Variants in HGSNAT observed in about 807,000 individuals in gnomAD.
The protein encoded by HGSNAT is heparan-alpha-glucosaminide N-acetyltransferase, also known as transmembrane protein 76.
A neutral mutation model predicts 85.2 loss-of-function variants in HGSNAT; 59 were observed. The ratio of observed to expected loss-of-function variants is 0.69; its 90% CI spans 0.56 to 0.86. The LOEUF is 0.86. Among genes scored for constraint, HGSNAT ranks in the 40% least tolerant of loss-of-function variants. The pLI is 0.00. For synonymous variants in HGSNAT, 321 were observed against 304.5 expected, an observed-to-expected ratio of 1.05 and a Z score of -0.56; for missense variants, 756 against 777.1, an observed-to-expected ratio of 0.97 and a Z score of 0.32.
intron 4 of HGSNAT, 139 bp downstream of exon 4, chr8:43,159,183 T>TC: frequency 1.5e-6 from 1 of 669,638 alleles, no homozygotes; most frequent in Non-Finnish European, 2.4e-6. Context: ...TGAGCACCAC[T>TC]CCCCCCAAAA....
intron 5 of HGSNAT, among the ~76,000 whole-genome samples, chr8:43,168,515 G>A (rs2130740229): frequency 6.8e-6 from 1 of 146,336 alleles, no homozygotes; most frequent in East Asian, 2.1e-4. Context: ...TCCTGCCTCA[G>A]CCTCCTGAGT....
intron 11 of HGSNAT, among the ~76,000 whole-genome samples, chr8:43,189,645 C>A (rs763086732): frequency 1.3e-5 from 2 of 152,224 alleles, no homozygotes; most frequent in East Asian, 1.9e-4. Flanking sequence ...GTGAGATGAA[C>A]CCGGTACCTC....
In HGSNAT at chr8:43,199,631, G is replaced by A; in HGVS notation, c.*62G>A. The stretch of plus-strand genomic sequence containing the variant: ...TAGGCCTGCAGGGAGGACTGAAGCA[G>A]CCTTTGTTAAAGGGAAGCATTCATT... On this transcript the variant is annotated 3_prime_UTR_variant, in exon 18 of 18. Transcript: ENST00000379644. 7 of 1,299,960 alleles carry A rather than the reference G, an allele frequency of 5.4e-6. No individual in the cohort carries two copies. In the Admixed American group the frequency reaches 1.6e-4, roughly 30 times the overall value. The allele number at this position is 1,299,960 out of a possible 1,614,324, so 80.5% of individuals were successfully genotyped here. A position where few individuals can be genotyped will look rare whatever the true frequency, so the allele number is the denominator to read the frequency against.
rs1804772048 is a variant in HGSNAT, at chr8:43,197,720, A to C, written c.1591A>C (p.Ile531Leu). 1.2e-6 allele frequency: 2 copies of C among 1,613,286 alleles called. No individual in the cohort carries two copies. The highest frequency in any genetic ancestry group is 2.7e-5 in the African/African-American group (2 of 74,916). The change falls in exon 16 of 18, where the codon ATT becomes CTT. Residue 531 changes from isoleucine (I) to leucine (L), a missense_variant. By Grantham distance (5) the Ile-to-Leu change is conservative. Coordinates refer to ENST00000379644, the MANE Select transcript of HGSNAT (RefSeq NM_152419.3). ...GAAGGTTTCTGAAAATGAAGGCTTT[A>C]TTCCAGTAAACAAAAATCTCTGGTA... is the stretch of plus-strand genomic sequence containing the variant. ...LTKVSENEGF[I>L]PVNKNLWSLS...
rs1352806015 is a variant in HGSNAT, at chr8:43,192,294, A to G, written c.1251-10A>G. ...GTCTTGTCATTTACATATGCTTTTC[A>G]CCTTCCTAGTGGTTATCTTGGTCCT... is the stretch of plus-strand genomic sequence containing the variant. On this transcript the variant is annotated splice_polypyrimidine_tract_variant and intron_variant, in intron 12 of 17. Coordinates refer to ENST00000379644, the MANE Select transcript of HGSNAT (RefSeq NM_152419.3). The G allele has an allele frequency of 6.2e-7, 1 of 1,601,506 alleles. No individual in the cohort carries two copies. The highest frequency in any genetic ancestry group is 1.1e-5 in the South Asian group (1 of 89,036).
At chr8:43,150,896 G>C (rs1374515190) in intron 2 of HGSNAT, among the ~76,000 whole-genome samples, 1 of 151,270 alleles carries the variant, frequency 6.6e-6, no homozygotes, top group Non-Finnish European at 1.5e-5. Context: ...AAAGAGAAGA[G>C]CTATATATAT....
rs772070108 is a variant in HGSNAT at position 43,178,258 on chromosome 8, T to C, written c.1012+24T>C. The C allele has an allele frequency of 7.5e-6, 11 of 1,457,078 alleles. No individual in the cohort carries two copies. The East Asian group carries it at 1.9e-4, about 25-fold the overall frequency. The allele number at this position is 1,457,078 out of a possible 1,614,324, so 90.3% of individuals were successfully genotyped here. On this transcript the variant is annotated intron_variant, in intron 10 of 17. Coordinates refer to ENST00000379644, the MANE Select transcript of HGSNAT (RefSeq NM_152419.3). Reference sequence around the variant, plus strand: ...ATGTAAGTACTTTTTCCCTCTGTTATATATATTCAGGTTGAAATATGGAAA... The same window carrying C: ...ATGTAAGTACTTTTTCCCTCTGTTACATATATTCAGGTTGAAATATGGAAA...
intron 1 of HGSNAT, among the ~76,000 whole-genome samples, chr8:43,141,720 G>A (rs1563351037): frequency 1.3e-5 from 2 of 152,022 alleles, no homozygotes; most frequent in African/African-American, 4.8e-5. Flanking sequence ...TTGGAAAAGC[G>A]GCTCAGAGGA....
chr8:43,182,134 G>T lies in HGSNAT; in HGVS notation c.1013-11G>T. 6.2e-7 allele frequency: 1 copy of T among 1,606,770 alleles called. No homozygotes were observed. Among genetic ancestry groups the T allele is most frequent in the East Asian group, 2.2e-5 (1 of 44,842 alleles). ...CTGGCTAACACTTGACCTAACTTGTGTCTTTTGCAGTGTCTTGGGACAAGG... is the reference window on the plus strand; with the variant it reads ...CTGGCTAACACTTGACCTAACTTGTTTCTTTTGCAGTGTCTTGGGACAAGG... On this transcript the variant is annotated splice_polypyrimidine_tract_variant and intron_variant, in intron 10 of 17. Coordinates refer to ENST00000379644, the MANE Select transcript of HGSNAT (RefSeq NM_152419.3).
intron 4 of HGSNAT, 120 bp downstream of exon 4, chr8:43,159,164 G>T: frequency 1.1e-6 from 1 of 911,904 alleles, no homozygotes; most frequent in Non-Finnish European, 1.6e-6. Flanking sequence ...CTAAATCTTA[G>T]GTCATTGATG....
At chr8:43,196,623 C>T in intron 14 of HGSNAT, 1 of 942,708 alleles carries the variant, frequency 1.1e-6, no homozygotes, top group Admixed American at 2.3e-5. Flanking sequence ...ACCATGCTTC[C>T]CCCGAGCTCT....
intron 15 of HGSNAT, 136 bp downstream of exon 15, chr8:43,197,161 A>T (rs1180349478): frequency 1.5e-6 from 1 of 648,238 alleles, no homozygotes; most frequent in Non-Finnish European, 2.8e-6. Context: ...CACTTGAATA[A>T]CAGAGAGGAA....
At chr8:43,149,446 C>T (rs1802823664) in intron 2 of HGSNAT, among the ~76,000 whole-genome samples, 1 of 152,124 alleles carries the variant, frequency 6.6e-6, no homozygotes, top group African/African-American at 2.4e-5. Context: ...CGCCTATAAT[C>T]CCAGCACTTT....
rs1297989015 is a variant in HGSNAT at position 43,196,517 on chromosome 8, G to A, written c.1465-431G>A. The A allele has an allele frequency of 3.1e-6, 4 of 1,290,348 alleles. No individual in the cohort carries two copies. The South Asian group carries it at 4.9e-5, about 16-fold the overall frequency. The allele number at this position is 1,290,348 out of a possible 1,614,324, so 79.9% of individuals were successfully genotyped here. ...AATTCTCTTTGGGCCCTGCCTGGAA[G>A]TAAGAGCCACGGAGCCTGCCCAGGT... On this transcript the variant is annotated intron_variant, in intron 14 of 17. Transcript: ENST00000379644.
chr8:43,147,469 T>C (rs1392140109), intron 2 of HGSNAT, among the ~76,000 whole-genome samples: 1 of 152,160 alleles, frequency 6.6e-6, no homozygotes, highest in Non-Finnish European at 1.5e-5. Flanking sequence ...TGATAACAAA[T>C]GCATTTTCTC....
At chr8:43,141,764 T>C (rs1352914398) in intron 1 of HGSNAT, among the ~76,000 whole-genome samples, 3 of 152,110 alleles carry the variant, frequency 2.0e-5, no homozygotes, top group Non-Finnish European at 4.4e-5. Context: ...CCACCCAACC[T>C]TCATCTCCTG....
chr8:43,182,053 G>A (rs1804143750), intron 10 of HGSNAT, 92 bp from the exon 11 acceptor site: 6 of 917,616 alleles, frequency 6.5e-6, no homozygotes, highest in Admixed American at 5.2e-5. Context: ...TGCAATATAG[G>A]TATGTCTTCC....
At chr8:43,198,582 C>A (rs1263068055) in intron 17 of HGSNAT, among the ~76,000 whole-genome samples, 1 of 151,900 alleles carries the variant, frequency 6.6e-6, no homozygotes, top group Non-Finnish European at 1.5e-5. Context: ...CCACCGTGCC[C>A]AGCCTCTGGT....
chr8:43,141,182 G>A lies in HGSNAT; in HGVS notation c.118+568G>A, dbSNP rs1182906729. Among the ~76,000 whole-genome samples the A allele has an allele frequency of 2.0e-5, 3 of 152,332 alleles. No individual in the cohort carries two copies. In the East Asian group the frequency reaches 5.8e-4, roughly 30 times the overall value. On this transcript the variant is annotated intron_variant, in intron 1 of 17. Coordinates refer to ENST00000379644, the MANE Select transcript of HGSNAT (RefSeq NM_152419.3). Reference sequence around the variant, plus strand: ...TTGAACCTGCGTGGATGTGCGGCGGGTGAGGAACCGCGGAGAAGGCGGTGG... The same window carrying A: ...TTGAACCTGCGTGGATGTGCGGCGGATGAGGAACCGCGGAGAAGGCGGTGG...
Sources: allele counts gnomAD v4.1 joint callset (sites outside exome capture counted in the v4.1 genomes callset), GRCh38; gene constraint gnomAD v4.1.1; transcripts MANE v1.5; gene names NCBI Gene and HGNC (gene_info 2026-07-23, HGNC 2026-07-21).